Variants in ACYP1 observed in about 807,000 individuals in gnomAD.
ACYP1 encodes the protein acylphosphatase 1, also known as acylphosphatase-1.
Under a neutral mutation model 10.4 loss-of-function variants are expected in ACYP1, and 8 were observed. That is an observed-to-expected ratio of 0.77 (90% CI 0.45 to 1.38). The LOEUF (loss-of-function observed/expected upper bound fraction) is 1.38. ACYP1 is among the 40% of genes most tolerant of loss of function. The pLI, the probability that ACYP1 is intolerant of heterozygous loss-of-function variation, is 0.00. For missense variants in ACYP1, 93 were observed against 117.3 expected (o/e 0.79, Z 0.96); for synonymous variants, 38 against 40.8 (o/e 0.93, Z 0.26).
chr14:75,062,116 AAAAAAAAAG>A (rs1375717315), intron 2 of ACYP1, among the ~76,000 whole-genome samples: 1 of 149,750 alleles, frequency 6.7e-6, no homozygotes, highest in East Asian at 1.9e-4. Flanking sequence ...AAAAAAAAAA[AAAAAAAAAG>A]AAAAGAAAAG....
intron 2 of ACYP1, among the ~76,000 whole-genome samples, chr14:75,055,079 C>CTT (rs33920224): frequency 7.6e-4 from 57 of 75,094 alleles, no homozygotes; most frequent in African/African-American, 3.1e-3. Context: ...TATCTGAACT[C>CTT]TTTTTTTTTT....
chr14:75,058,672 A>C (rs1166670113), intron 2 of ACYP1, among the ~76,000 whole-genome samples: 1 of 151,260 alleles, frequency 6.6e-6, no homozygotes. Flanking sequence ...AGACATATAG[A>C]TGAATGGAAT....
chr14:75,060,647 C>T (rs1238624277), intron 2 of ACYP1, among the ~76,000 whole-genome samples: 1 of 152,070 alleles, frequency 6.6e-6, no homozygotes, highest in African/African-American at 2.4e-5. Context: ...GAATATTATT[C>T]AGCCATAAAA....
intron 2 of ACYP1, chr14:75,061,579 A>C: frequency 1.8e-6 from 1 of 570,224 alleles, no homozygotes. Context: ...AGGGGCAGGT[A>C]GAGAAAGATG....
At position 75,063,484 on chromosome 14, in the gene ACYP1, G is replaced by A. The variant is rs1893079978; in HGVS notation, c.70C>T (p.Arg24Cys). Residue 24 changes from arginine (R) to cysteine (C), a missense_variant, in exon 2 of 3, where the codon CGT (arginine) becomes TGT (cysteine). By Grantham distance (180) the Arg-to-Cys change is radical. Transcript: ENST00000238618. ...IFGKVQGVFFRKHTQAEGKKL... is the reference protein window; with the variant it reads ...IFGKVQGVFFCKHTQAEGKKL... ...AGGCCACATACCTGAGTATGCTTACGGAAAAACACCCCTTGCACCTTCCCA... is the reference window on the plus strand; with the variant it reads ...AGGCCACATACCTGAGTATGCTTACAGAAAAACACCCCTTGCACCTTCCCA... 6.2e-7 allele frequency: 1 copy of A among 1,613,638 alleles called. No homozygotes were observed. The highest frequency in any genetic ancestry group is 1.1e-5 in the South Asian group (1 of 91,010).
rs1301251896 is a variant in ACYP1 at position 75,057,608 on chromosome 14, G to A, written c.85-3949C>T. On this transcript the variant is annotated intron_variant, in intron 2 of 2. Coordinates refer to ENST00000238618, the MANE Select transcript of ACYP1 (RefSeq NM_001107.5). ...CAATTTCAAAACTTACTACAAAGCT[G>A]CAGTAACTGAGACAGTGTGGTACTG... 1.3e-5 allele frequency among the ~76,000 whole-genome samples: 2 copies of A among 151,420 alleles called. 1 individual carries two copies. The highest frequency in any genetic ancestry group is 4.9e-5 in the African/African-American group (2 of 40,866).
chr14:75,055,079 CTTTTTTTTTTTTTTTT>C (rs33920224), intron 2 of ACYP1, among the ~76,000 whole-genome samples: 2 of 75,106 alleles, frequency 2.7e-5, no homozygotes, highest in East Asian at 4.3e-4. Context: ...TATCTGAACT[CTTTTTTTTTTTTTTTT>C]TTTTTTTTTG....
chr14:75,065,698 T>C (rs918963587), upstream of ACYP1, among the ~76,000 whole-genome samples: 1 of 152,020 alleles, frequency 6.6e-6, no homozygotes, highest in Non-Finnish European at 1.5e-5. Context: ...TTTAATTCCA[T>C]GAAAATCCAT....
At chr14:75,061,394 C>T (rs571458686) in intron 2 of ACYP1, among the ~76,000 whole-genome samples, 26 of 152,278 alleles carry the variant, frequency 1.7e-4, no homozygotes, top group African/African-American at 5.5e-4. Flanking sequence ...ATAATATCAA[C>T]AGCAAACATT....
intron 2 of ACYP1, chr14:75,061,751 A>G: frequency 6.3e-7 from 1 of 1,584,580 alleles, no homozygotes; most frequent in Non-Finnish European, 8.6e-7. Flanking sequence ...TTCTGTTTTC[A>G]ACAGTCATTT....
At chr14:75,053,844 CT>C (rs1316719457) in intron 2 of ACYP1, among the ~76,000 whole-genome samples, 185 bp from the exon 3 acceptor site, 2 of 152,210 alleles carry the variant, frequency 1.3e-5, no homozygotes, top group Non-Finnish European at 2.9e-5. Context: ...GTATTGGCCA[CT>C]TGACTGCATG....
rs1170983453 is a variant in ACYP1, at chr14:75,061,041, T to C, written c.84+2429A>G. ...GAGATCACGCCACTGCACTCCAGCC[T>C]GGGTGACAGAATGAGGCAGAGTTGA... On this transcript the variant is annotated intron_variant, in intron 2 of 2. Coordinates refer to ENST00000238618, the MANE Select transcript of ACYP1 (RefSeq NM_001107.5). Among the ~76,000 whole-genome samples, 4 of 151,864 alleles carry C rather than the reference T, an allele frequency of 2.6e-5. No individual in the cohort carries two copies. In the East Asian group the frequency reaches 7.7e-4, roughly 29 times the overall value.
exon 1 of ACYP1, chr14:75,069,280 G>A (rs1893237118): frequency 4.8e-6 from 7 of 1,447,562 alleles, no homozygotes; most frequent in African/African-American, 4.5e-5. Context: ...CCAGGCGGGC[G>A]GACGCCGGCA....
exon 1 of ACYP1, chr14:75,069,403 A>T: frequency 2.3e-6 from 2 of 863,268 alleles, no homozygotes; most frequent in African/African-American, 1.8e-5. Context: ...TTCTTCTTTG[A>T]AGGAGCTCCA....
At chr14:75,058,691 G>C (rs888936771) in intron 2 of ACYP1, among the ~76,000 whole-genome samples, 1 of 150,778 alleles carries the variant, frequency 6.6e-6, no homozygotes, top group African/African-American at 2.5e-5. Context: ...ATAGTATTGA[G>C]AGTCCAGAAA....
At chr14:75,068,407 G>A (rs1035736137), upstream of ACYP1, among the ~76,000 whole-genome samples, 3 of 152,154 alleles carry the variant, frequency 2.0e-5, no homozygotes, top group African/African-American at 7.2e-5. Flanking sequence ...GGAGGGTACT[G>A]AAAAGGACTA....
At chr14:75,056,745 C>A (rs1433667564) in intron 2 of ACYP1, among the ~76,000 whole-genome samples, 2 of 151,462 alleles carry the variant, frequency 1.3e-5, no homozygotes, top group Non-Finnish European at 2.9e-5. Context: ...ATTTAATACA[C>A]CATATTAATA....
At chr14:75,069,324 G>A in exon 1 of ACYP1, 1 of 1,403,648 alleles carries the variant, frequency 7.1e-7, no homozygotes, top group Non-Finnish European at 9.2e-7. Context: ...GCACAGCCAG[G>A]GCCTCCGCCC....
At chr14:75,057,203 A>T (rs1892897514) in intron 2 of ACYP1, among the ~76,000 whole-genome samples, 1 of 151,666 alleles carries the variant, frequency 6.6e-6, no homozygotes, top group Non-Finnish European at 1.5e-5. Context: ...ATTTCTATAC[A>T]CTAGCAATGA....
Sources: gnomAD v4.1 joint callset for allele counts (sites outside exome capture counted in the v4.1 genomes callset) on GRCh38, gnomAD v4.1.1 for gene constraint, MANE v1.5 for transcripts, NCBI Gene and HGNC (gene_info 2026-07-23, HGNC 2026-07-21) for gene names.